Variants in CELF2 observed in about 807,000 individuals in gnomAD.
CELF2 encodes the protein CUGBP Elav-like family member 2, also known as CUG triplet repeat RNA-binding protein 2.
In CELF2, 8 loss-of-function variants were observed where a neutral mutation model predicts 62.6. That is an observed-to-expected ratio of 0.13 (90% confidence interval 0.07 to 0.23). The LOEUF (loss-of-function observed/expected upper bound fraction) is 0.23. Among genes scored for constraint, CELF2 ranks in the 10% least tolerant of loss-of-function variants. The pLI is 1.00. For synonymous variants in CELF2, 258 were observed against 250.0 expected (o/e 1.03, Z -0.30); for missense variants, 333 against 671.0 (o/e 0.50, Z 5.56).
At chr10:10,677,029 T>C in the CELF2 span, among the ~76,000 whole-genome samples, 7 of 152,146 alleles carry the variant, frequency 4.6e-5, no homozygotes, top group African/African-American at 1.7e-4. Context: ...TTTAATATGG[T>C]CCAAAAAAGC....
chr10:11,196,162 T>C (rs2057419930), intron 2 of CELF2, among the ~76,000 whole-genome samples: 1 of 152,212 alleles, frequency 6.6e-6, no homozygotes, highest in African/African-American at 2.4e-5. Context: ...AATATGTAAT[T>C]TGGAGTCATT....
rs886814005 is a variant in CELF2, at chr10:10,931,033, G to A, written c.89+11034G>A. Among the ~76,000 whole-genome samples the A allele has an allele frequency of 2.0e-5, 3 of 152,034 alleles. No individual in the cohort carries two copies. Among genetic ancestry groups the A allele is most frequent in the Non-Finnish European group, 2.9e-5 (2 of 68,020 alleles). On this transcript the variant is annotated intron_variant, in intron 2 of 13. Coordinates refer to the CELF2 transcript ENST00000636488. The surrounding 1 kb of genome is among the most constrained non-coding windows in gnomAD (Gnocchi z 6.1). Reference sequence around the variant, plus strand: ...GCTTCCACTGATGTTTGGGATTGTCGAGCTACCAAGAACACATAAATTAAT... The same window carrying A: ...GCTTCCACTGATGTTTGGGATTGTCAAGCTACCAAGAACACATAAATTAAT...
chr10:10,747,366 T>C, the CELF2 span, among the ~76,000 whole-genome samples: 1 of 152,206 alleles, frequency 6.6e-6, no homozygotes, highest in Non-Finnish European at 1.5e-5. Flanking sequence ...CTTGGAGTTT[T>C]CAGTCTAGTG....
chr10:10,610,791 T>C, the CELF2 span, among the ~76,000 whole-genome samples: 6 of 152,212 alleles, frequency 3.9e-5, no homozygotes, highest in African/African-American at 1.4e-4. Flanking sequence ...AACAACTTAA[T>C]TGGCTCATTG....
At chr10:10,816,410 C>A (rs2056466827) in intron 1 of CELF2, among the ~76,000 whole-genome samples, 1 of 152,150 alleles carries the variant, frequency 6.6e-6, no homozygotes, top group Admixed American at 6.6e-5. Flanking sequence ...GAAAATCTAA[C>A]CTACCTGATT....
At chr10:10,675,231 C>T in the CELF2 span, among the ~76,000 whole-genome samples, 5 of 152,160 alleles carry the variant, frequency 3.3e-5, no homozygotes, top group Non-Finnish European at 5.9e-5. Context: ...TTCTCCCTCA[C>T]TACTGAAAAA....
chr10:10,688,645 G>A, the CELF2 span, among the ~76,000 whole-genome samples: 1 of 152,124 alleles, frequency 6.6e-6, no homozygotes, highest in East Asian at 1.9e-4. Context: ...GCATCCCTAA[G>A]AATGGAACCA....
the CELF2 span, among the ~76,000 whole-genome samples, chr10:10,725,637 C>A: frequency 2.9e-3 from 440 of 152,258 alleles, 1 homozygote; most frequent in Non-Finnish European, 4.6e-3. Context: ...AATCCCATTT[C>A]TTCCTCATGG....
At chr10:10,675,031 T>TA in the CELF2 span, among the ~76,000 whole-genome samples, 3 of 152,184 alleles carry the variant, frequency 2.0e-5, no homozygotes, top group East Asian at 1.9e-4. Context: ...ACCTGTTAGA[T>TA]AAAAAAATAA....
chr10:11,128,824 C>G (rs1249101174), intron 1 of CELF2, among the ~76,000 whole-genome samples: 1 of 152,158 alleles, frequency 6.6e-6, no homozygotes, highest in Non-Finnish European at 1.5e-5. Context: ...CGTCTGCAAA[C>G]AGGGACAATT....
At chr10:10,614,298 G>T in the CELF2 span, among the ~76,000 whole-genome samples, 3,572 of 151,920 alleles carry the variant, frequency 0.024, 141 homozygotes, top group African/African-American at 0.081. Flanking sequence ...TAGCATTCCC[G>T]CTCTACCAGA....
rs1243747357 is a variant in CELF2 at position 11,224,520 on chromosome 10, G to C, written c.354+7013G>C. Among the ~76,000 whole-genome samples, 1 of 152,178 alleles carries C rather than the reference G, an allele frequency of 6.6e-6. No homozygotes were observed. Among genetic ancestry groups the C allele is most frequent in the African/African-American group, 2.4e-5 (1 of 41,446 alleles). On this transcript the variant is annotated intron_variant, in intron 3 of 12. Transcript: ENST00000633077. The surrounding 1 kb of genome is among the most constrained non-coding windows in gnomAD (Gnocchi z 4.5). ...TGATAGGATTTCAAAAGAAGATTGT[G>C]GGGGAGGCGGGGGATCCATGAATTT...
chr10:11,325,548 C>G (rs757319044), intron 11 of CELF2, among the ~76,000 whole-genome samples: 3 of 152,248 alleles, frequency 2.0e-5, no homozygotes, highest in Non-Finnish European at 2.9e-5. Flanking sequence ...TCACCTTCAG[C>G]CCCATGAAAA....
chr10:11,137,777 G>A (rs541386584), intron 1 of CELF2, among the ~76,000 whole-genome samples: 6 of 152,202 alleles, frequency 3.9e-5, no homozygotes, highest in Non-Finnish European at 5.9e-5. Flanking sequence ...TACCATTTCT[G>A]TGTGGATCTC....
chr10:11,069,392 G>A (rs554940270), intron 1 of CELF2, among the ~76,000 whole-genome samples: 2 of 152,284 alleles, frequency 1.3e-5, no homozygotes, highest in East Asian at 1.9e-4. Context: ...TTCTTCAGAC[G>A]AAGATATCCC....
intron 1 of CELF2, among the ~76,000 whole-genome samples, chr10:11,119,433 A>C (rs2057264340): frequency 6.6e-6 from 1 of 152,192 alleles, no homozygotes; most frequent in Non-Finnish European, 1.5e-5. Flanking sequence ...ATAGCACTTT[A>C]AACAAGATTT....
At chr10:10,508,597 G>C in the CELF2 span, among the ~76,000 whole-genome samples, 1 of 151,810 alleles carries the variant, frequency 6.6e-6, no homozygotes, top group East Asian at 1.9e-4. Context: ...TAGGCATACT[G>C]GTTGTGTGTA....
At chr10:10,870,559 C>G (rs1398456919) in intron 1 of CELF2, among the ~76,000 whole-genome samples, 1 of 152,108 alleles carries the variant, frequency 6.6e-6, no homozygotes, top group African/African-American at 2.4e-5. Context: ...CTCTGAGACC[C>G]AGAGTTGGGT....
rs1288848295 is a variant in CELF2 at position 11,217,322 on chromosome 10, A to G, written c.272-103A>G. ...TTCTCATATGCTTTATTATTTTTAA[A>G]TTGTGCGTCCTTTTAAGTAGATTGT... On this transcript the variant is annotated intron_variant, in intron 2 of 12. Coordinates refer to ENST00000633077, the MANE Select transcript of CELF2 (RefSeq NM_001326342.2). This position sits in a 1 kb window ranked among gnomAD's most constrained non-coding sequence, Gnocchi z 5.6. The G allele has an allele frequency of 2.9e-6, 2 of 695,894 alleles. No individual in the cohort carries two copies. Among genetic ancestry groups the G allele is most frequent in the East Asian group, 2.8e-5 (1 of 35,828 alleles). 43.1% of individuals were successfully genotyped at this position (695,894 alleles called of 1,614,324 possible). A position where few individuals can be genotyped will look rare whatever the true frequency, so the allele number is the denominator to read the frequency against.
Sources: gnomAD v4.1 joint callset for allele counts (sites outside exome capture counted in the v4.1 genomes callset) on GRCh38, gnomAD v4.1.1 for gene constraint, Gnocchi (gnomAD v3.1) non-coding constraint, MANE v1.5 for transcripts, NCBI Gene and HGNC (gene_info 2026-07-23, HGNC 2026-07-21) for gene names.